Variants in GPC6 observed in about 807,000 individuals in gnomAD.
The protein encoded by GPC6 is glypican-6.
GPC6 carries 14 observed loss-of-function variants against 55.2 expected under a neutral mutation model. That is an observed-to-expected ratio of 0.25 (90% CI 0.17 to 0.40). The LOEUF (loss-of-function observed/expected upper bound fraction) is 0.40. Ranked by LOEUF, GPC6 falls within the 10% of genes least tolerant of loss-of-function variation. The probability of loss-of-function intolerance (pLI) is 1.00; values close to 1 mark genes in which losing one functional copy is unlikely to be tolerated. For synonymous variants in GPC6, 278 were observed against 259.6 expected, an observed-to-expected ratio of 1.07 and a Z score of -0.68; for missense variants, 641 against 708.5, an observed-to-expected ratio of 0.90 and a Z score of 1.08.
intron 2 of GPC6, among the ~76,000 whole-genome samples, chr13:93,815,734 C>T (rs1189901933): frequency 6.6e-6 from 1 of 152,122 alleles, no homozygotes; most frequent in Non-Finnish European, 1.5e-5. Context: ...CACAATAATA[C>T]TTTGTCTCAT....
At chr13:94,013,018 G>A (rs769034092) in intron 3 of GPC6, among the ~76,000 whole-genome samples, 12 of 152,114 alleles carry the variant, frequency 7.9e-5, no homozygotes, top group African/African-American at 1.4e-4. Flanking sequence ...ATTCACATTT[G>A]ATTAAAGTTC....
intron 4 of GPC6, among the ~76,000 whole-genome samples, chr13:94,073,440 A>G (rs933468478): frequency 1.3e-5 from 2 of 152,198 alleles, no homozygotes; most frequent in Non-Finnish European, 2.9e-5. Flanking sequence ...CAGCAAGAAT[A>G]TAAAAATTTT....
intron 3 of GPC6, among the ~76,000 whole-genome samples, chr13:93,834,416 T>C (rs1374162049): frequency 6.6e-6 from 1 of 152,096 alleles, no homozygotes; most frequent in Non-Finnish European, 1.5e-5. Context: ...AGGAATAAAA[T>C]ATATGTAGTA....
At chr13:93,627,286 GA>G (rs1200330897) in intron 2 of GPC6, among the ~76,000 whole-genome samples, 2 of 152,060 alleles carry the variant, frequency 1.3e-5, no homozygotes, top group Non-Finnish European at 2.9e-5. Context: ...AGTTTGCTGA[GA>G]ATGATGGTTT....
intron 1 of GPC6, among the ~76,000 whole-genome samples, chr13:93,498,429 T>C (rs1043086150): frequency 1.2e-4 from 18 of 152,218 alleles, no homozygotes; most frequent in Non-Finnish European, 2.4e-4. Context: ...TCTTATTGTC[T>C]GACCTGGTTT....
At chr13:93,295,290 C>CAAAAAAAAAAAA (rs67379652) in intron 1 of GPC6, among the ~76,000 whole-genome samples, 4 of 66,684 alleles carry the variant, frequency 6.0e-5, no homozygotes, top group African/African-American at 2.3e-4. Context: ...GACCCTGTCT[C>CAAAAAAAAAAAA]AAAAAAAAAA....
chr13:93,954,931 G>A (rs1042743278), intron 3 of GPC6, among the ~76,000 whole-genome samples: 5 of 152,184 alleles, frequency 3.3e-5, no homozygotes, highest in African/African-American at 1.2e-4. Flanking sequence ...TCACACTTAT[G>A]TTCTTGAGTT....
intron 2 of GPC6, among the ~76,000 whole-genome samples, chr13:93,594,406 G>A (rs1877636241): frequency 6.6e-6 from 1 of 151,932 alleles, no homozygotes; most frequent in South Asian, 2.1e-4. Flanking sequence ...ACTTATAAGT[G>A]AGTTATACCA....
chr13:94,305,910 C>T (rs1875918067), intron 5 of GPC6, 70 bp from the exon 6 acceptor site: 1 of 1,449,638 alleles, frequency 6.9e-7, no homozygotes, highest in Admixed American at 1.7e-5. Flanking sequence ...TTGCATTGCA[C>T]ATTTCTGCTT....
chr13:93,490,483 TGAGTGATTTTTTTTTC>T (rs1879930699), intron 1 of GPC6, among the ~76,000 whole-genome samples: 3 of 135,922 alleles, frequency 2.2e-5, no homozygotes, highest in Non-Finnish European at 4.7e-5. Flanking sequence ...TTTTTCAACT[TGAGTGATTTTTTTTTC>T]TTTTTTTTTT....
intron 3 of GPC6, among the ~76,000 whole-genome samples, chr13:93,952,642 T>C (rs1489886833): frequency 6.6e-6 from 1 of 151,618 alleles, no homozygotes; most frequent in East Asian, 1.9e-4. Flanking sequence ...TATATGTATG[T>C]GTCTGTATAT....
intron 3 of GPC6, among the ~76,000 whole-genome samples, chr13:93,871,566 T>C (rs542737661): frequency 9.9e-5 from 15 of 151,924 alleles, no homozygotes; most frequent in Non-Finnish European, 2.2e-4. Flanking sequence ...CACTATAGAG[T>C]AAATTTTGAT....
intron 4 of GPC6, among the ~76,000 whole-genome samples, chr13:94,210,874 T>C (rs114539717): frequency 0.016 from 2,486 of 152,342 alleles, 35 homozygotes; most frequent in African/African-American, 0.037. Context: ...TTAAAATGTT[T>C]TACAGCTTAA....
rs540956436 is a variant in GPC6 at position 93,345,236 on chromosome 13, C to T, written c.160+117620C>T. Among the ~76,000 whole-genome samples the T allele has an allele frequency of 8.2e-4, 125 of 152,098 alleles. 1 individual carries two copies. Among genetic ancestry groups the T allele is most frequent in the African/African-American group, 2.8e-3 (115 of 41,484 alleles). The stretch of plus-strand genomic sequence containing the variant: ...ACTTTAGAAAAGCCCTTTAGTCTCT[C>T]TGGGGCTTATGATGATCACCACCAA... On this transcript the variant is annotated intron_variant, in intron 1 of 8. Coordinates refer to ENST00000377047, the MANE Select transcript of GPC6 (RefSeq NM_005708.5).
At chr13:93,688,084 C>T (rs1458610673) in intron 2 of GPC6, among the ~76,000 whole-genome samples, 5 of 152,050 alleles carry the variant, frequency 3.3e-5, no homozygotes, top group African/African-American at 1.2e-4. Flanking sequence ...GTTGGATTCC[C>T]AATTCATTCT....
At chr13:93,903,695 A>G (rs957310851) in intron 3 of GPC6, among the ~76,000 whole-genome samples, 4 of 152,130 alleles carry the variant, frequency 2.6e-5, no homozygotes, top group African/African-American at 9.7e-5. Flanking sequence ...ATTCATGGAG[A>G]TGATGCATAT....
intron 2 of GPC6, among the ~76,000 whole-genome samples, chr13:93,601,890 T>C (rs1355296982): frequency 6.6e-6 from 1 of 152,226 alleles, no homozygotes; most frequent in Non-Finnish European, 1.5e-5. Flanking sequence ...GCATTTCAGC[T>C]CTTTGTCTTC....
intron 3 of GPC6, among the ~76,000 whole-genome samples, chr13:94,027,404 A>G (rs1882942031): frequency 6.6e-6 from 1 of 152,164 alleles, no homozygotes; most frequent in African/African-American, 2.4e-5. Context: ...TTAAACTTTA[A>G]TAATACCTAC....
chr13:93,809,809 T>C (rs1343924073), intron 2 of GPC6, among the ~76,000 whole-genome samples: 2 of 152,168 alleles, frequency 1.3e-5, no homozygotes, highest in Admixed American at 1.3e-4. Context: ...CCTTGGTCAT[T>C]ACTGCACTGG....
Sources: allele counts gnomAD v4.1 joint callset (sites outside exome capture counted in the v4.1 genomes callset), GRCh38; gene constraint gnomAD v4.1.1; transcripts MANE v1.5; gene names NCBI Gene and HGNC (gene_info 2026-07-23, HGNC 2026-07-21).